Variants in BMPR1B observed in about 807,000 individuals in gnomAD.
The protein encoded by BMPR1B is bone morphogenetic protein receptor type-1B.
BMPR1B carries 12 observed loss-of-function variants against 59.1 expected under a neutral mutation model. The observed-to-expected ratio is 0.20, with a 90% CI of 0.13 to 0.33. BMPR1B has a LOEUF of 0.33. Among genes scored for constraint, BMPR1B ranks in the 10% least tolerant of loss-of-function variants. BMPR1B has a pLI of 1.00. For synonymous variants in BMPR1B, 237 were observed against 207.3 expected (o/e 1.14, Z -1.23); for missense variants, 550 against 610.9 (o/e 0.90, Z 1.05).
chr4:94,784,119 G>A (rs1196407925), intron 1 of BMPR1B, among the ~76,000 whole-genome samples: 5 of 152,122 alleles, frequency 3.3e-5, no homozygotes, highest in African/African-American at 1.2e-4. Context: ...TGTTTTCTTA[G>A]TTTTTTAATT....
At chr4:95,093,817 T>G (rs1730175820) in intron 3 of BMPR1B, among the ~76,000 whole-genome samples, 1 of 152,078 alleles carries the variant, frequency 6.6e-6, no homozygotes, top group Admixed American at 6.6e-5. Context: ...CCCTGGTTTC[T>G]AGAAAGAGCC....
intron 2 of BMPR1B, among the ~76,000 whole-genome samples, chr4:94,968,408 G>A (rs1730640814): frequency 6.6e-6 from 1 of 151,866 alleles, no homozygotes; most frequent in South Asian, 2.1e-4. Flanking sequence ...TTTATGTGTT[G>A]TAGTTTAAAC....
chr4:94,938,746 C>T (rs545011510), intron 2 of BMPR1B, among the ~76,000 whole-genome samples: 41 of 152,204 alleles, frequency 2.7e-4, no homozygotes, highest in African/African-American at 8.9e-4. Flanking sequence ...CTTCAACAAC[C>T]CTATATGGAA....
At chr4:95,147,906 C>T (rs868107695) in intron 10 of BMPR1B, among the ~76,000 whole-genome samples, 4 of 152,232 alleles carry the variant, frequency 2.6e-5, no homozygotes, top group East Asian at 1.9e-4. Context: ...AGCAATGGTT[C>T]CCAAGTGCCA....
intron 2 of BMPR1B, among the ~76,000 whole-genome samples, chr4:94,981,103 T>C (rs1721052941): frequency 6.6e-6 from 1 of 152,308 alleles, no homozygotes; most frequent in Admixed American, 6.5e-5. Context: ...GTCTACTACC[T>C]TGAAATTCCC....
At chr4:94,759,791 T>C (rs1249821947) in intron 1 of BMPR1B, among the ~76,000 whole-genome samples, 1 of 152,258 alleles carries the variant, frequency 6.6e-6, no homozygotes, top group African/African-American at 2.4e-5. Context: ...GTGAAATATG[T>C]AAGTTATTAC....
At chr4:94,886,100 A>G (rs1357583408) in intron 2 of BMPR1B, among the ~76,000 whole-genome samples, 1 of 152,202 alleles carries the variant, frequency 6.6e-6, no homozygotes, top group Non-Finnish European at 1.5e-5. Context: ...TGTAAGTGCT[A>G]TGCCTAAGTT....
At chr4:94,862,495 A>C (rs1726024671) in intron 1 of BMPR1B, among the ~76,000 whole-genome samples, 1 of 150,728 alleles carries the variant, frequency 6.6e-6, no homozygotes, top group Non-Finnish European at 1.5e-5. Flanking sequence ...TTAATGAAAA[A>C]TTTTCAGTTT....
intron 2 of BMPR1B, among the ~76,000 whole-genome samples, chr4:94,935,965 C>G (rs984556136): frequency 6.6e-5 from 9 of 136,996 alleles, no homozygotes; most frequent in Non-Finnish European, 8.1e-5. Flanking sequence ...TAATGTAAGC[C>G]TTGGATTAAT....
At chr4:94,849,454 A>G (rs561583830) in intron 1 of BMPR1B, among the ~76,000 whole-genome samples, 1 of 152,254 alleles carries the variant, frequency 6.6e-6, no homozygotes, top group East Asian at 1.9e-4. Flanking sequence ...CTCTTGAGGA[A>G]AAAGGGAGCT....
At chr4:95,069,688 G>T (rs940708367) in intron 3 of BMPR1B, among the ~76,000 whole-genome samples, 4 of 152,162 alleles carry the variant, frequency 2.6e-5, no homozygotes, top group African/African-American at 4.8e-5. Context: ...AGCTGTGAGG[G>T]CATGGAATCG....
intron 1 of BMPR1B, among the ~76,000 whole-genome samples, chr4:94,800,345 T>G (rs1012339496): frequency 6.6e-6 from 1 of 152,190 alleles, no homozygotes; most frequent in Non-Finnish European, 1.5e-5. Context: ...TTTCAAGGAT[T>G]GGTAAAACAG....
At chr4:95,001,512 T>C (rs1447137953) in intron 3 of BMPR1B, among the ~76,000 whole-genome samples, 2 of 152,170 alleles carry the variant, frequency 1.3e-5, no homozygotes, top group South Asian at 2.1e-4. Flanking sequence ...ATTCATTCAA[T>C]AGAACATGGC....
chr4:95,047,158 CT>C (rs1726118343), intron 3 of BMPR1B, among the ~76,000 whole-genome samples: 1 of 152,174 alleles, frequency 6.6e-6, no homozygotes, highest in African/African-American at 2.4e-5. Flanking sequence ...TTTGACCTTA[CT>C]TTGGGGCTGT....
chr4:94,984,149 A>G (rs1045743282), intron 2 of BMPR1B, among the ~76,000 whole-genome samples: 5 of 152,214 alleles, frequency 3.3e-5, no homozygotes, highest in South Asian at 2.1e-4. Context: ...GTTGGTGCCA[A>G]TAAGTCTGTG....
chr4:94,901,424 T>A (rs781452416), intron 2 of BMPR1B, among the ~76,000 whole-genome samples: 1 of 151,914 alleles, frequency 6.6e-6, no homozygotes, highest in Admixed American at 6.6e-5. Flanking sequence ...TATTGTTAGA[T>A]CTTTGTTTTC....
At chr4:95,051,679 A>C (rs1726512335) in intron 3 of BMPR1B, 1 of 1,534,812 alleles carries the variant, frequency 6.5e-7, no homozygotes, top group Non-Finnish European at 8.7e-7. Flanking sequence ...GGCAGGGCAC[A>C]TTGACTGCTC....
At chr4:94,947,545 G>A (rs1729764875) in intron 2 of BMPR1B, among the ~76,000 whole-genome samples, 2 of 152,318 alleles carry the variant, frequency 1.3e-5, no homozygotes, top group Middle Eastern at 3.4e-3. Context: ...ATCCTTGAAA[G>A]CTGGAGTACT....
chr4:94,789,986 C>T (rs1410073873), intron 1 of BMPR1B, among the ~76,000 whole-genome samples: 1 of 152,120 alleles, frequency 6.6e-6, no homozygotes, highest in Non-Finnish European at 1.5e-5. Flanking sequence ...TGATCCACTT[C>T]CACTCAATGA....
Sources: gnomAD v4.1 joint callset for allele counts (sites outside exome capture counted in the v4.1 genomes callset) on GRCh38, gnomAD v4.1.1 for gene constraint, MANE v1.5 for transcripts, NCBI Gene and HGNC (gene_info 2026-07-23, HGNC 2026-07-21) for gene names.